DCC: variants seen among roughly 807,000 people sequenced by gnomAD.
DCC encodes the protein DCC netrin 1 receptor.
A neutral mutation model predicts 172.5 loss-of-function variants in DCC; 58 were observed. The ratio of observed to expected loss-of-function variants is 0.34; its 90% CI spans 0.27 to 0.42. The LOEUF (loss-of-function observed/expected upper bound fraction) is 0.42. DCC is among the 10% of genes least tolerant of loss of function. The pLI is 1.00. For synonymous variants in DCC, 709 were observed against 644.5 expected, an observed-to-expected ratio of 1.10 and a Z score of -1.52; for missense variants, 1,740 against 1,791.0, an observed-to-expected ratio of 0.97 and a Z score of 0.51.
chr18:52,699,986 C>T (rs1319046856), intron 1 of DCC, among the ~76,000 whole-genome samples: 1 of 151,510 alleles, frequency 6.6e-6, no homozygotes, highest in African/African-American at 2.4e-5. Context: ...TGAGTTTCCT[C>T]ATGTGTAAAT....
intron 1 of DCC, among the ~76,000 whole-genome samples, chr18:52,665,698 C>T (rs2035449210): frequency 6.6e-6 from 1 of 152,206 alleles, no homozygotes; most frequent in Non-Finnish European, 1.5e-5. Context: ...TAGTTTACTA[C>T]CGACTTTAAG....
intron 2 of DCC, among the ~76,000 whole-genome samples, chr18:52,836,270 G>A (rs570080442): frequency 6.6e-6 from 1 of 152,086 alleles, no homozygotes; most frequent in African/African-American, 2.4e-5. Flanking sequence ...TCTTCCCCTG[G>A]TTCCTCTCAA....
Position 52,899,581 on chromosome 18 carries a change from C to T in DCC, c.413-6463C>T, listed in dbSNP as rs1054706530. Among the ~76,000 whole-genome samples the T allele has an allele frequency of 6.6e-5, 10 of 151,964 alleles. No homozygotes were observed. The South Asian group carries it at 8.3e-4, about 13-fold the overall frequency. Reference sequence around the variant, plus strand: ...TGTTGGTCAGGCTGGTCTCGAACTCCGGAACTCAGGTGATCCGCCCGCCTC... The same window carrying T: ...TGTTGGTCAGGCTGGTCTCGAACTCTGGAACTCAGGTGATCCGCCCGCCTC... On this transcript the variant is annotated intron_variant, in intron 2 of 28. Transcript: ENST00000442544.
chr18:52,836,126 G>T (rs960861158), intron 2 of DCC, among the ~76,000 whole-genome samples: 2 of 152,124 alleles, frequency 1.3e-5, no homozygotes, highest in Admixed American at 6.5e-5. Context: ...ATGAGAACTT[G>T]TGCACTATCA....
At chr18:52,641,861 C>A (rs1275238065) in intron 1 of DCC, among the ~76,000 whole-genome samples, 2 of 151,956 alleles carry the variant, frequency 1.3e-5, no homozygotes, top group African/African-American at 2.4e-5. Context: ...AATCCCACTA[C>A]TGGGTATCTA....
chr18:52,351,771 A>G (rs1198389218), intron 1 of DCC, among the ~76,000 whole-genome samples: 1 of 152,202 alleles, frequency 6.6e-6, no homozygotes. Flanking sequence ...TTTTCTCAAT[A>G]TGATCCTTTT....
chr18:52,631,105 C>T (rs187979254), intron 1 of DCC, among the ~76,000 whole-genome samples: 84 of 152,178 alleles, frequency 5.5e-4, no homozygotes, highest in South Asian at 1.5e-3. Context: ...AAGTTTTGGC[C>T]GGAGGGGAGC....
At chr18:53,069,566 T>G (rs62099173) in intron 7 of DCC, among the ~76,000 whole-genome samples, 49,307 of 150,626 alleles carry the variant, frequency 0.33, 8,932 homozygotes, top group Non-Finnish European at 0.42. Flanking sequence ...GTCCAGTGAC[T>G]GCATTTCTAA....
intron 2 of DCC, among the ~76,000 whole-genome samples, chr18:52,886,671 A>C (rs2039574695): frequency 6.6e-6 from 1 of 151,722 alleles, no homozygotes; most frequent in Non-Finnish European, 1.5e-5. Context: ...GAAAAGGGGG[A>C]GGGATGGTGT....
At chr18:53,207,029 T>C (rs1324860587) in intron 10 of DCC, among the ~76,000 whole-genome samples, 1 of 129,778 alleles carries the variant, frequency 7.7e-6, no homozygotes, top group Non-Finnish European at 1.8e-5. Context: ...TTTTTTCAAC[T>C]TTCTGTTTTA....
At chr18:53,041,781 G>T (rs1568264126) in intron 5 of DCC, among the ~76,000 whole-genome samples, 1 of 152,152 alleles carries the variant, frequency 6.6e-6, no homozygotes, top group South Asian at 2.1e-4. Context: ...TGTAGCATTT[G>T]TGAATCGGAG....
chr18:52,929,712 GTT>G (rs1167193659), intron 5 of DCC, among the ~76,000 whole-genome samples: 2 of 151,896 alleles, frequency 1.3e-5, no homozygotes, highest in East Asian at 3.9e-4. Flanking sequence ...AGGTATAAAA[GTT>G]GACATGTTTA....
rs1185010950 is a variant in DCC at position 53,203,202 on chromosome 18, TGTGTGTGTG to T, written c.1574-2013_1574-2005del. ...TATTCTGATGATATATAGATTCTCT[TGTGTGTGTG>T]TGTGTGTGTGTGTGTGTGTGTGTGC... On this transcript the variant is annotated intron_variant, in intron 9 of 28. Coordinates refer to ENST00000442544, the MANE Select transcript of DCC (RefSeq NM_005215.4). Among the ~76,000 whole-genome samples, 39 of 90,070 alleles carry T rather than the reference TGTGTGTGTG, an allele frequency of 4.3e-4. 1 individual carries two copies. The Middle Eastern group carries it at 0.031, about 71-fold the overall frequency. The allele number at this position is 90,070 out of a possible 152,430, so 59.1% of individuals were successfully genotyped here.
At chr18:53,327,921 A>C (rs1008316566) in intron 14 of DCC, among the ~76,000 whole-genome samples, 21 of 152,194 alleles carry the variant, frequency 1.4e-4, no homozygotes, top group Admixed American at 6.6e-5. Flanking sequence ...GATAATTGAC[A>C]GATAGGCTTG....
At chr18:53,514,384 TA>T (rs1230380001) in intron 27 of DCC, among the ~76,000 whole-genome samples, 2 of 151,786 alleles carry the variant, frequency 1.3e-5, no homozygotes, top group East Asian at 3.9e-4. Context: ...ACATCACCAT[TA>T]AAAGAACTAG....
At chr18:52,653,133 G>A (rs955660305) in intron 1 of DCC, among the ~76,000 whole-genome samples, 5 of 152,168 alleles carry the variant, frequency 3.3e-5, no homozygotes, top group African/African-American at 1.2e-4. Flanking sequence ...TCAGAGATTA[G>A]GAAGAAAATC....
At chr18:52,797,854 G>A (rs1159707344) in intron 2 of DCC, among the ~76,000 whole-genome samples, 1 of 152,216 alleles carries the variant, frequency 6.6e-6, no homozygotes, top group Non-Finnish European at 1.5e-5. Flanking sequence ...GCAGGTGGCA[G>A]TGGCAATGGG....
Position 52,596,996 on chromosome 18 carries a change from C to T in DCC, c.92-155058C>T, listed in dbSNP as rs190097994. 6.6e-5 allele frequency among the ~76,000 whole-genome samples: 10 copies of T among 152,256 alleles called. No homozygotes were observed. In the East Asian group the frequency reaches 1.9e-3, roughly 29 times the overall value. On this transcript the variant is annotated intron_variant, in intron 1 of 28. Transcript: ENST00000442544. ...CTTTAAAAGAATCTCCCAGGCCTTC[C>T]TTTGCATAGGGGCTTTGTGATTTTT...
intron 2 of DCC, among the ~76,000 whole-genome samples, chr18:52,768,863 T>C (rs1200112717): frequency 6.6e-6 from 1 of 152,140 alleles, no homozygotes; most frequent in African/African-American, 2.4e-5. Flanking sequence ...AAGTTAGAAT[T>C]AGAAAAGGGT....
Sources: allele counts gnomAD v4.1 joint callset (sites outside exome capture counted in the v4.1 genomes callset), GRCh38; gene constraint gnomAD v4.1.1; transcripts MANE v1.5; gene names NCBI Gene and HGNC (gene_info 2026-07-23, HGNC 2026-07-21).